The following IQCM variants were observed in gnomAD, a reference collection of about 807,000 sequenced individuals.
The protein encoded by IQCM is IQ domain-containing protein M.
IQCM carries 45 observed loss-of-function variants against 57.6 expected under a neutral mutation model. The observed-to-expected ratio is 0.78, with a 90% confidence interval of 0.62 to 1.00. IQCM has a LOEUF of 1.00. Among genes scored for constraint, IQCM ranks in the 50% least tolerant of loss-of-function variants. The probability of loss-of-function intolerance (pLI) is 0.00; values close to 1 mark genes in which losing one functional copy is unlikely to be tolerated. For synonymous variants in IQCM, 148 were observed against 158.9 expected, an observed-to-expected ratio of 0.93 and a Z score of 0.51; for missense variants, 468 against 511.6, an observed-to-expected ratio of 0.91 and a Z score of 0.82.
chr4:149,491,490 C>T (rs575870831), intron 12 of IQCM, among the ~76,000 whole-genome samples: 1 of 152,200 alleles, frequency 6.6e-6, no homozygotes, highest in African/African-American at 2.4e-5. Flanking sequence ...TCAGATTTCA[C>T]ATGTAGGTGA....
chr4:149,650,728 A>C (rs1364844026), intron 7 of IQCM, among the ~76,000 whole-genome samples: 1 of 152,050 alleles, frequency 6.6e-6, no homozygotes, highest in East Asian at 1.9e-4. Context: ...GTTTGTGGTA[A>C]TTTGTTACCA....
chr4:149,469,920 G>T (rs368667043), intron 12 of IQCM, among the ~76,000 whole-genome samples: 1 of 152,038 alleles, frequency 6.6e-6, no homozygotes, highest in Non-Finnish European at 1.5e-5. Flanking sequence ...GACAAACAAA[G>T]GCTGAGAGAT....
At chr4:149,474,765 C>T (rs988334293) in intron 12 of IQCM, among the ~76,000 whole-genome samples, 8 of 151,452 alleles carry the variant, frequency 5.3e-5, no homozygotes, top group East Asian at 1.9e-4. Flanking sequence ...ACAGAGTAGA[C>T]GTAACTGAGA....
intron 5 of IQCM, among the ~76,000 whole-genome samples, chr4:149,726,772 C>CAT (rs556415902): frequency 2.6e-5 from 4 of 151,900 alleles, no homozygotes; most frequent in Non-Finnish European, 4.4e-5. Context: ...AATAATTTTA[C>CAT]ATATATATAT....
chr4:149,723,918 C>CAT (rs557344677), intron 5 of IQCM, among the ~76,000 whole-genome samples: 2 of 147,570 alleles, frequency 1.4e-5, no homozygotes, highest in Non-Finnish European at 3.0e-5. Context: ...TGGGCCTGTG[C>CAT]TTTTTTTTTT....
At chr4:149,648,863 G>T (rs183214717) in intron 7 of IQCM, among the ~76,000 whole-genome samples, 1 of 151,518 alleles carries the variant, frequency 6.6e-6, no homozygotes, top group Non-Finnish European at 1.5e-5. Context: ...AAACCTGCAC[G>T]TTGTGCACAT....
At chr4:149,606,646 C>T (rs1042039948) in intron 8 of IQCM, among the ~76,000 whole-genome samples, 8 of 152,074 alleles carry the variant, frequency 5.3e-5, no homozygotes, top group Non-Finnish European at 7.4e-5. Context: ...CTTGAGGAAG[C>T]TCAATGAACT....
intron 12 of IQCM, among the ~76,000 whole-genome samples, chr4:149,493,194 C>A (rs779649292): frequency 6.6e-6 from 1 of 152,044 alleles, no homozygotes; most frequent in Admixed American, 6.6e-5. Context: ...GGTTAACAAC[C>A]TTTAAATACT....
At chr4:149,433,243 T>C (rs1735037480) in intron 13 of IQCM, among the ~76,000 whole-genome samples, 153 bp downstream of exon 13, 2 of 152,030 alleles carry the variant, frequency 1.3e-5, no homozygotes, top group Non-Finnish European at 2.9e-5. Context: ...AGCCCCTTTT[T>C]AAATTGCAGG....
chr4:149,536,509 C>T (rs1197821730), intron 12 of IQCM, among the ~76,000 whole-genome samples: 2 of 151,938 alleles, frequency 1.3e-5, no homozygotes, highest in East Asian at 3.9e-4. Context: ...AACTCAAATC[C>T]TACCCTCTAT....
chr4:149,560,379 T>C (rs1750003450), intron 10 of IQCM, among the ~76,000 whole-genome samples: 1 of 152,200 alleles, frequency 6.6e-6, no homozygotes, highest in Non-Finnish European at 1.5e-5. Flanking sequence ...ACCATTCCAA[T>C]GTCCTGGAAT....
chr4:149,569,914 G>T (rs145329653), intron 9 of IQCM, among the ~76,000 whole-genome samples: 1,824 of 152,118 alleles, frequency 0.012, 28 homozygotes, highest in Non-Finnish European at 0.016. Flanking sequence ...TAAAATATGA[G>T]AAAGCTTTTT....
intron 12 of IQCM, among the ~76,000 whole-genome samples, chr4:149,472,141 A>G (rs1221176803): frequency 6.6e-6 from 1 of 152,196 alleles, no homozygotes; most frequent in Non-Finnish European, 1.5e-5. Flanking sequence ...CAAGAGAAAG[A>G]AATAAAGGGT....
At chr4:149,364,368 C>T (rs534842178) in intron 13 of IQCM, among the ~76,000 whole-genome samples, 1 of 152,160 alleles carries the variant, frequency 6.6e-6, no homozygotes, top group African/African-American at 2.4e-5. Flanking sequence ...ATAAGGAGAG[C>T]TACTGATACT....
intron 10 of IQCM, 85 bp from the exon 11 acceptor site, chr4:149,553,372 A>T: frequency 9.2e-7 from 1 of 1,082,152 alleles, no homozygotes; most frequent in East Asian, 3.2e-5. Flanking sequence ...TATTTCACCT[A>T]GTTTCTAAGA....
rs570184789 is a variant in IQCM, at chr4:149,472,470, G to A, written c.1229-38913C>T. 2.0e-5 allele frequency among the ~76,000 whole-genome samples: 3 copies of A among 152,256 alleles called. No individual in the cohort carries two copies. In the South Asian group the frequency reaches 6.2e-4, roughly 32 times the overall value. ...CAAACCACTGCCCAACGAAATAAAA[G>A]AGGACACAAACAAATGGAAGAATAT... On this transcript the variant is annotated intron_variant, in intron 12 of 13. Transcript: ENST00000636793.
At chr4:149,448,427 C>A (rs1037241190) in intron 12 of IQCM, among the ~76,000 whole-genome samples, 1 of 151,412 alleles carries the variant, frequency 6.6e-6, no homozygotes, top group Non-Finnish European at 1.5e-5. Flanking sequence ...AAGAGCCAAG[C>A]TTTTGCCTTA....
chr4:149,641,249 GTTTA>G (rs1184722466), intron 7 of IQCM, among the ~76,000 whole-genome samples: 3 of 152,114 alleles, frequency 2.0e-5, no homozygotes, highest in African/African-American at 4.8e-5. Flanking sequence ...TATTTAGCCA[GTTTA>G]TTTAATGTTT....
intron 13 of IQCM, among the ~76,000 whole-genome samples, chr4:149,420,486 T>C (rs1734048631): frequency 6.6e-6 from 1 of 151,340 alleles, no homozygotes; most frequent in Non-Finnish European, 1.5e-5. Flanking sequence ...GGAGGTGGGG[T>C]GGGGACAGGA....
Sources: gnomAD v4.1 joint callset for allele counts (sites outside exome capture counted in the v4.1 genomes callset) on GRCh38, gnomAD v4.1.1 for gene constraint, MANE v1.5 for transcripts, NCBI Gene and HGNC (gene_info 2026-07-23, HGNC 2026-07-21) for gene names.